The following CRYL1 variants were observed in gnomAD, a reference collection of about 807,000 sequenced individuals.
CRYL1 encodes the protein crystallin lambda 1.
Under a neutral mutation model 36.6 loss-of-function variants are expected in CRYL1, and 29 were observed. The observed-to-expected ratio is 0.79, with a 90% confidence interval of 0.59 to 1.08. CRYL1 has a LOEUF of 1.08. CRYL1 is among the 50% of genes least tolerant of loss of function. The pLI is 0.00. For missense variants in CRYL1, 411 were observed against 407.9 expected (o/e 1.01, Z -0.06); for synonymous variants, 152 against 151.5 (o/e 1.00, Z -0.02).
intron 3 of CRYL1, among the ~76,000 whole-genome samples, chr13:20,486,327 T>C (rs1220328205): frequency 6.6e-6 from 1 of 152,206 alleles, no homozygotes; most frequent in Non-Finnish European, 1.5e-5. Flanking sequence ...CAGGTTGGCA[T>C]TCGTAGCATG....
At chr13:20,507,042 A>G (rs1413628328) in intron 2 of CRYL1, among the ~76,000 whole-genome samples, 1 of 152,172 alleles carries the variant, frequency 6.6e-6, no homozygotes, top group Non-Finnish European at 1.5e-5. Flanking sequence ...GTTTCCCTGC[A>G]CAAGTTCTCT....
At chr13:20,447,429 C>G (rs1323797452) in intron 3 of CRYL1, among the ~76,000 whole-genome samples, 2 of 152,138 alleles carry the variant, frequency 1.3e-5, no homozygotes, top group Non-Finnish European at 2.9e-5. Context: ...CGCCCCTACC[C>G]CAGGGAGAGC....
intron 1 of CRYL1, among the ~76,000 whole-genome samples, chr13:20,516,020 C>CTAAA (rs2137515193): frequency 6.6e-6 from 1 of 151,998 alleles, no homozygotes; most frequent in African/African-American, 2.4e-5. Context: ...GGGGAAACCC[C>CTAAA]ATCTCTACTA....
At chr13:20,477,823 C>A (rs2033194842) in intron 3 of CRYL1, among the ~76,000 whole-genome samples, 1 of 134,546 alleles carries the variant, frequency 7.4e-6, no homozygotes, top group African/African-American at 2.8e-5. Flanking sequence ...ATATATTATA[C>A]TAAAATATAA....
In CRYL1 at chr13:20,508,848, C is replaced by CAA. The variant is rs1179533995; in HGVS notation, c.149+3593_149+3594dup. On this transcript the variant is annotated intron_variant, in intron 2 of 7. Coordinates refer to ENST00000298248, the MANE Select transcript of CRYL1 (RefSeq NM_015974.3). ...CGGCCTAGGTGGCAGAGCGAGACTC[C>CAA]AAAAAAAAAAAAAAAAAAAAAAAAA... Among the ~76,000 whole-genome samples, 19 of 10,448 alleles carry CAA rather than the reference C, an allele frequency of 1.8e-3. 1 individual carries two copies. Among genetic ancestry groups the CAA allele is most frequent in the African/African-American group, 5.7e-3 (18 of 3,136 alleles). The allele number at this position is 10,448 out of a possible 152,430, so 6.9% of individuals were successfully genotyped here.
chr13:20,502,880 G>C (rs2033727399), intron 2 of CRYL1, among the ~76,000 whole-genome samples: 1 of 152,184 alleles, frequency 6.6e-6, no homozygotes, highest in Non-Finnish European at 1.5e-5. Context: ...AGTCAAGGTA[G>C]GAGTCACACA....
intron 3 of CRYL1, among the ~76,000 whole-genome samples, chr13:20,475,939 A>T (rs1444241210): frequency 6.6e-6 from 1 of 152,214 alleles, no homozygotes; most frequent in Non-Finnish European, 1.5e-5. Context: ...GTACTCAGTC[A>T]GTGGAAAGTG....
At position 20,493,268 on chromosome 13, in the gene CRYL1, T is replaced by G. The variant is rs9552209; in HGVS notation, c.150-3772A>C. 0.21 allele frequency among the ~76,000 whole-genome samples: 31,563 copies of G among 152,142 alleles called. 3,462 individuals are homozygous for G. The highest frequency in any genetic ancestry group is 0.3 in the East Asian group (1,552 of 5,156). On this transcript the variant is annotated intron_variant, in intron 2 of 7. Coordinates refer to ENST00000298248, the MANE Select transcript of CRYL1 (RefSeq NM_015974.3). ...ACTTCCACGGACTGGACCCCACATGTGAATCTGGGCCAATGGCAGAGGCCC... is the reference window on the plus strand; with the variant it reads ...ACTTCCACGGACTGGACCCCACATGGGAATCTGGGCCAATGGCAGAGGCCC...
intron 5 of CRYL1, among the ~76,000 whole-genome samples, chr13:20,416,195 G>A (rs530541194): frequency 1.3e-5 from 2 of 152,256 alleles, no homozygotes; most frequent in African/African-American, 4.8e-5. Context: ...GGTTTCCTTC[G>A]AGTTCTAAAT....
chr13:20,428,779 C>G (rs1210237853), intron 5 of CRYL1, among the ~76,000 whole-genome samples: 1 of 152,152 alleles, frequency 6.6e-6, no homozygotes, highest in African/African-American at 2.4e-5. Flanking sequence ...GCAGGGGTGG[C>G]AGGGAACGGC....
chr13:20,476,154 T>C (rs1194557168), intron 3 of CRYL1, among the ~76,000 whole-genome samples: 2 of 152,010 alleles, frequency 1.3e-5, no homozygotes, highest in Non-Finnish European at 2.9e-5. Flanking sequence ...CACACACAAA[T>C]GTGCAATGCG....
intron 4 of CRYL1, among the ~76,000 whole-genome samples, chr13:20,432,810 G>T (rs1049756649): frequency 1.3e-5 from 2 of 152,116 alleles, no homozygotes; most frequent in Non-Finnish European, 2.9e-5. Context: ...TTGAGCCCAG[G>T]AGTTCAAGAC....
In CRYL1 at chr13:20,427,219, GAAGT is replaced by G. The variant is rs960403957; in HGVS notation, c.633+4879_633+4882del. The G allele has an allele frequency of 3.1e-5, 31 of 985,336 alleles. No homozygotes were observed. The African/African-American group carries it at 4.7e-4, about 15-fold the overall frequency. 61.0% of individuals were successfully genotyped at this position (985,336 alleles called of 1,614,324 possible). On this transcript the variant is annotated intron_variant, in intron 5 of 7. Coordinates refer to ENST00000298248, the MANE Select transcript of CRYL1 (RefSeq NM_015974.3). Reference sequence around the variant, plus strand: ...CCCAGGGAGCACGCCTCCGGCAGGGGAAGTAAGTGTCAGTAGATTGTGGCCAGAC... The same window carrying G: ...CCCAGGGAGCACGCCTCCGGCAGGGGAAGTGTCAGTAGATTGTGGCCAGAC...
chr13:20,443,635 T>C (rs1231507088), intron 3 of CRYL1, among the ~76,000 whole-genome samples: 1 of 152,078 alleles, frequency 6.6e-6, no homozygotes, highest in Non-Finnish European at 1.5e-5. Context: ...TCAGGTGATC[T>C]GCCCACCTCA....
intron 1 of CRYL1, among the ~76,000 whole-genome samples, chr13:20,514,578 T>C (rs9509261): frequency 0.62 from 94,579 of 152,030 alleles, 33,564 homozygotes; most frequent in Non-Finnish European, 0.78. Context: ...CAATAAGACA[T>C]TAGGTAAAAA....
At chr13:20,454,216 T>C (rs1306312815) in intron 3 of CRYL1, among the ~76,000 whole-genome samples, 4 of 151,892 alleles carry the variant, frequency 2.6e-5, no homozygotes, top group African/African-American at 9.7e-5. Flanking sequence ...TCCAAACACA[T>C]ATGCAAAAAA....
chr13:20,424,448 T>C (rs997995424), intron 5 of CRYL1, among the ~76,000 whole-genome samples: 2 of 152,220 alleles, frequency 1.3e-5, no homozygotes, highest in African/African-American at 4.8e-5. Context: ...TCCAGTACCC[T>C]CTGGTAAGGC....
At chr13:20,509,266 T>TTTTGC (rs1330763106) in intron 2 of CRYL1, among the ~76,000 whole-genome samples, 1 of 150,758 alleles carries the variant, frequency 6.6e-6, no homozygotes, top group Non-Finnish European at 1.5e-5. Flanking sequence ...TTTTGTTTTG[T>TTTTGC]TTTGTTTTTA....
At chr13:20,456,438 G>A (rs2032684070) in intron 3 of CRYL1, among the ~76,000 whole-genome samples, 1 of 146,194 alleles carries the variant, frequency 6.8e-6, no homozygotes. Context: ...TTCCACCACT[G>A]CACTCCATCC....
Sources: allele counts gnomAD v4.1 joint callset (sites outside exome capture counted in the v4.1 genomes callset), GRCh38; gene constraint gnomAD v4.1.1; transcripts MANE v1.5; gene names NCBI Gene and HGNC (gene_info 2026-07-23, HGNC 2026-07-21).